Variants in ZNF34 observed in about 807,000 individuals in gnomAD.
ZNF34 encodes the protein zinc finger protein 34 (KOX 32).
Under a neutral mutation model 14.4 loss-of-function variants are expected in ZNF34, and 8 were observed. The observed-to-expected ratio is 0.55, with a 90% CI of 0.33 to 1.00. The LOEUF is 1.00. Ranked by LOEUF, ZNF34 falls within the 50% of genes least tolerant of loss-of-function variation. The probability of loss-of-function intolerance (pLI) is 0.03; values close to 1 mark genes in which losing one functional copy is unlikely to be tolerated. For synonymous variants in ZNF34, 235 were observed against 247.9 expected, an observed-to-expected ratio of 0.95 and a Z score of 0.49; for missense variants, 538 against 674.2, an observed-to-expected ratio of 0.80 and a Z score of 2.24.
intron 1 of ZNF34, among the ~76,000 whole-genome samples, chr8:144,781,775 C>T (rs1825904208): frequency 6.6e-6 from 1 of 152,222 alleles, no homozygotes; most frequent in Non-Finnish European, 1.5e-5. Context: ...GTAACCCTCT[C>T]CCCAGAGACA....
rs1327898055 is a variant in ZNF34 at position 144,778,532 on chromosome 8, G to C, written c.-54-7C>G. On this transcript the variant is annotated splice_polypyrimidine_tract_variant and splice_region_variant and intron_variant, in intron 2 of 5. Transcript: ENST00000429371. Reference sequence around the variant, plus strand: ...GGAGCTGGTCACTGAGGAGCTGAGGGAAGAGAACGCAACAAGTGGAGGCCC... The same window carrying C: ...GGAGCTGGTCACTGAGGAGCTGAGGCAAGAGAACGCAACAAGTGGAGGCCC... The C allele has an allele frequency of 1.3e-6, 2 of 1,558,552 alleles. No homozygotes were observed. Among genetic ancestry groups the C allele is most frequent in the Admixed American group, 2.0e-5 (1 of 50,756 alleles).
At position 144,776,963 on chromosome 8, in the gene ZNF34, G is replaced by A. The variant is rs1053343767; in HGVS notation, c.280+495C>T. ...TCAGTACATAACAGTGGAAAGGCCA[G>A]TGCTAGAAAAGGAATAGCAGAAATA... On this transcript the variant is annotated intron_variant, in intron 5 of 5. Coordinates refer to ENST00000429371, the MANE Select transcript of ZNF34 (RefSeq NM_001286769.2). 4.6e-5 allele frequency among the ~76,000 whole-genome samples: 7 copies of A among 151,296 alleles called. No individual in the cohort carries two copies. The South Asian group carries it at 1.5e-3, about 32-fold the overall frequency.
rs1825399094 is a variant in ZNF34, at chr8:144,774,754, T to A, written c.281-149A>T. 3 of 900,266 alleles carry A rather than the reference T, an allele frequency of 3.3e-6. No homozygotes were observed. The African/African-American group carries it at 5.0e-5, about 15-fold the overall frequency. 55.8% of individuals were successfully genotyped at this position (900,266 alleles called of 1,614,324 possible). A position where few individuals can be genotyped will look rare whatever the true frequency, so the allele number is the denominator to read the frequency against. On this transcript the variant is annotated intron_variant, in intron 5 of 5. Transcript: ENST00000429371. Reference sequence around the variant, plus strand: ...AGATAAGAGCCTGGAGCTCAGAGGCTTATGCAGCTCACCTGGGGCCACAGT... The same window carrying A: ...AGATAAGAGCCTGGAGCTCAGAGGCATATGCAGCTCACCTGGGGCCACAGT...
chr8:144,787,021 C>T (rs779317483), intron 1 of ZNF34, among the ~76,000 whole-genome samples: 76 of 152,142 alleles, frequency 5.0e-4, no homozygotes, highest in Non-Finnish European at 9.4e-4. Context: ...CCGCGTGGGG[C>T]AAGGGAGTTG....
In ZNF34 at chr8:144,773,243, T is replaced by TGC; in HGVS notation, c.*21_*22dup. The TGC allele has an allele frequency of 1.3e-6, 2 of 1,575,902 alleles. No homozygotes were observed. The highest frequency in any genetic ancestry group is 1.7e-6 in the Non-Finnish European group (2 of 1,157,056). On this transcript the variant is annotated 3_prime_UTR_variant, in exon 6 of 6. Coordinates refer to ENST00000429371, the MANE Select transcript of ZNF34 (RefSeq NM_001286769.2). The surrounding 1 kb of genome is among the most constrained non-coding windows in gnomAD (Gnocchi z 5.4). ...ATGCAGGAAGTGCTCAGCTGGACTC[T>TGC]GCCCTCGGACACCGCGCCACTGTTA... is the stretch of plus-strand genomic sequence containing the variant.
intron 5 of ZNF34, among the ~76,000 whole-genome samples, chr8:144,775,258 A>G (rs1196264875): frequency 6.6e-6 from 1 of 152,196 alleles, no homozygotes; most frequent in Non-Finnish European, 1.5e-5. Context: ...TGTGCAGCAG[A>G]CGGTGCTCAC....
intron 1 of ZNF34, among the ~76,000 whole-genome samples, chr8:144,783,946 C>CCT (rs1251543513): frequency 6.6e-6 from 1 of 152,136 alleles, no homozygotes. Context: ...GGGAGGATCA[C>CCT]GAGGTCAGAT....
chr8:144,781,459 TGC>T (rs542441914), intron 1 of ZNF34, among the ~76,000 whole-genome samples: 10 of 152,130 alleles, frequency 6.6e-5, no homozygotes, highest in Admixed American at 4.6e-4. Flanking sequence ...AGTTTCACCG[TGC>T]TGGCCAGGAT....
Position 144,779,913 on chromosome 8 carries a change from G to T in ZNF34, c.-55+315C>A, listed in dbSNP as rs1356340563. On this transcript the variant is annotated intron_variant, in intron 2 of 5. Transcript: ENST00000429371. This position sits in a 1 kb window ranked among gnomAD's most constrained non-coding sequence, Gnocchi z 4.1. Reference sequence around the variant, plus strand: ...AATTAAAAATGATAGAAGGGGCCAAGCTCGGTGGCTCACACCTGTAATCCT... The same window carrying T: ...AATTAAAAATGATAGAAGGGGCCAATCTCGGTGGCTCACACCTGTAATCCT... 6.6e-6 allele frequency among the ~76,000 whole-genome samples: 1 copy of T among 151,932 alleles called. No homozygotes were observed. The highest frequency in any genetic ancestry group is 1.5e-5 in the Non-Finnish European group (1 of 68,024).
intron 3 of ZNF34, 110 bp downstream of exon 3, chr8:144,778,329 G>C (rs1472915090): frequency 1.5e-6 from 2 of 1,365,318 alleles, no homozygotes; most frequent in Non-Finnish European, 2.0e-6. Flanking sequence ...GGGGGTCTCA[G>C]GGCCACCCCT....
chr8:144,774,393 A>G lies in ZNF34; in HGVS notation c.493T>C (p.Ser165Pro). ...GGTCTCTGATCAGGAACAGGTCTTG[A>G]CAGCAACCTGAGGTTTCCCCCAGAC... is the stretch of plus-strand genomic sequence containing the variant. ...RESGGNLRLLSRPVPDQRPHK... is the reference protein window; with the variant it reads ...RESGGNLRLLPRPVPDQRPHK... Residue 165 changes from serine to proline, a missense_variant, in exon 6 of 6, where the codon TCA (serine) becomes CCA (proline). Around this residue, in one of 3 missense-constraint regions of ZNF34, gnomAD observed 431 missense variants for 525.7 expected, o/e 0.82. Transcript: ENST00000429371. 1.4e-5 allele frequency: 22 copies of G among 1,613,630 alleles called. No homozygotes were observed. Among genetic ancestry groups the G allele is most frequent in the Non-Finnish European group, 1.7e-5 (20 of 1,179,734 alleles).
At position 144,773,332 on chromosome 8, in the gene ZNF34, G is replaced by A; in HGVS notation, c.1554C>T (p.Ala518=). 8 of 1,614,132 alleles carry A rather than the reference G, an allele frequency of 5.0e-6. No homozygotes were observed. The highest frequency in any genetic ancestry group is 6.8e-6 in the Non-Finnish European group (8 of 1,179,982). Residue 518 remains alanine, a synonymous_variant, in exon 6 of 6, where the codon GCC becomes GCT. Coordinates refer to ENST00000429371, the MANE Select transcript of ZNF34 (RefSeq NM_001286769.2). This position sits in a 1 kb window ranked among gnomAD's most constrained non-coding sequence, Gnocchi z 5.4. ...KPYKCSECGK[A]FRHSSNMCQH... ...GACACATGTTGGAACTGTGCCGGAA[G>A]GCCTTCCCACACTCGCTGCACTTGT...
In ZNF34 at chr8:144,776,911, CAAA is replaced by C. The variant is rs149216566; in HGVS notation, c.280+544_280+546del. Among the ~76,000 whole-genome samples, 784 of 100,838 alleles carry C rather than the reference CAAA, an allele frequency of 7.8e-3. 8 individuals are homozygous for C. The highest frequency in any genetic ancestry group is 0.025 in the African/African-American group (664 of 26,858). 66.2% of individuals were successfully genotyped at this position (100,838 alleles called of 152,430 possible). A position where few individuals can be genotyped will look rare whatever the true frequency, so the allele number is the denominator to read the frequency against. On this transcript the variant is annotated intron_variant, in intron 5 of 5. Coordinates refer to ENST00000429371, the MANE Select transcript of ZNF34 (RefSeq NM_001286769.2). ...TGGGTGATAGAGGGCGACCCTGTCT[CAAA>C]AAAAAAAAAAAAAAAAAGCAGTGTC... is the stretch of plus-strand genomic sequence containing the variant.
chr8:144,778,826 G>A (rs1825695229), intron 2 of ZNF34, among the ~76,000 whole-genome samples: 1 of 151,920 alleles, frequency 6.6e-6, no homozygotes, highest in Non-Finnish European at 1.5e-5. Flanking sequence ...TCGACCTCCT[G>A]AGCTCAAGCA....
At position 144,774,422 on chromosome 8, in the gene ZNF34, C is replaced by G; in HGVS notation, c.464G>C (p.Arg155Thr). The G allele has an allele frequency of 1.9e-6, 3 of 1,613,986 alleles. No individual in the cohort carries two copies. The highest frequency in any genetic ancestry group is 3.3e-4 in the Middle Eastern group (2 of 6,062). Residue 155 changes from arginine to threonine, a missense_variant, in exon 6 of 6, where the codon AGG becomes ACG. Coordinates refer to ENST00000429371, the MANE Select transcript of ZNF34 (RefSeq NM_001286769.2). The stretch of plus-strand genomic sequence containing the variant: ...CAACCTGAGGTTTCCCCCAGACTCC[C>G]TGCTGCTCTCCCCGTTGGTCAGTGT... ...AVTLTNGESS[R>T]ESGGNLRLLS...
Position 144,777,949 on chromosome 8 carries a change from GC to G in ZNF34, c.160+88del. Reference sequence around the variant, plus strand: ...GGGATAAAGGTCATCACCTATCTGTGCCCAGGGGGTGAGGCCCCTAGCCCAG... The same window carrying G: ...GGGATAAAGGTCATCACCTATCTGTGCCAGGGGGTGAGGCCCCTAGCCCAG... On this transcript the variant is annotated intron_variant, in intron 4 of 5. Transcript: ENST00000429371. This position sits in a 1 kb window ranked among gnomAD's most constrained non-coding sequence, Gnocchi z 4.8. 6.4e-7 allele frequency: 1 copy of G among 1,552,350 alleles called. No homozygotes were observed. The highest frequency in any genetic ancestry group is 8.8e-7 in the Non-Finnish European group (1 of 1,142,764).
At position 144,784,973 on chromosome 8, in the gene ZNF34, C is replaced by T. The variant is rs979783100; in HGVS notation, c.-108+2306G>A. On this transcript the variant is annotated intron_variant, in intron 1 of 5. Transcript: ENST00000429371. ...CCCCAGCTCTACAAAAATTAGCCAA[C>T]GTGGTGGTGTGAGCCTGTGGTTCCA... Among the ~76,000 whole-genome samples, 13 of 151,232 alleles carry T rather than the reference C, an allele frequency of 8.6e-5. 1 individual carries two copies. Among genetic ancestry groups the T allele is most frequent in the Admixed American group, 3.3e-4 (5 of 15,138 alleles).
In ZNF34 at chr8:144,773,913, C is replaced by T. The variant is rs761246338; in HGVS notation, c.973G>A (p.Ala325Thr). ...KCGECGKHFS[A>T]YSSLIYHQRI... Reference sequence around the variant, plus strand: ...TGGTGATAAATCAGGGAAGAGTAGGCGCTAAAGTGCTTCCCACACTCCCCA... The same window carrying T: ...TGGTGATAAATCAGGGAAGAGTAGGTGCTAAAGTGCTTCCCACACTCCCCA... The change falls in exon 6 of 6, where the codon GCC (alanine) becomes ACC (threonine). Residue 325 changes from alanine (A) to threonine (T), a missense_variant. Coordinates refer to ENST00000429371, the MANE Select transcript of ZNF34 (RefSeq NM_001286769.2). This position sits in a 1 kb window ranked among gnomAD's most constrained non-coding sequence, Gnocchi z 5.4. 18 of 1,613,492 alleles carry T rather than the reference C, an allele frequency of 1.1e-5. No individual in the cohort carries two copies. Among genetic ancestry groups the T allele is most frequent in the Admixed American group, 1.0e-4 (6 of 59,956 alleles).
In ZNF34 at chr8:144,775,756, A is replaced by AT. The variant is rs369257120; in HGVS notation, c.281-1152dup. ...AGTCTGTATTTTAATCTGAAGGATG[A>AT]TTTTTCATAAAAATTCACTGAGTTA... is the stretch of plus-strand genomic sequence containing the variant. On this transcript the variant is annotated intron_variant, in intron 5 of 5. Coordinates refer to ENST00000429371, the MANE Select transcript of ZNF34 (RefSeq NM_001286769.2). 2.2e-3 allele frequency among the ~76,000 whole-genome samples: 335 copies of AT among 152,324 alleles called. 1 individual carries two copies. The highest frequency in any genetic ancestry group is 7.8e-3 in the African/African-American group (324 of 41,572).
Sources: allele counts gnomAD v4.1 joint callset (sites outside exome capture counted in the v4.1 genomes callset), GRCh38; gene constraint gnomAD v4.1.1; regional missense constraint gnomAD v4.1.1; non-coding constraint Gnocchi (gnomAD v3.1); transcripts MANE v1.5; gene names NCBI Gene and HGNC (gene_info 2026-07-23, HGNC 2026-07-21).